The following UBTD1 variants were observed in gnomAD, a reference collection of about 807,000 sequenced individuals.
UBTD1 encodes ubiquitin domain-containing protein 1.
A neutral mutation model predicts 21.7 loss-of-function variants in UBTD1; 19 were observed. That is an observed-to-expected ratio of 0.87 (90% CI 0.61 to 1.28). UBTD1 has a LOEUF of 1.28. UBTD1 is among the 50% of genes most tolerant of loss of function. The probability of loss-of-function intolerance (pLI) is 0.00; values close to 1 mark genes in which losing one functional copy is unlikely to be tolerated. For missense variants in UBTD1, 282 were observed against 315.1 expected (o/e 0.89, Z 0.80); for synonymous variants, 116 against 135.1 (o/e 0.86, Z 0.98).
At chr10:97,501,995 T>G (rs2040378403) in intron 1 of UBTD1, among the ~76,000 whole-genome samples, 1 of 152,226 alleles carries the variant, frequency 6.6e-6, no homozygotes, top group Non-Finnish European at 1.5e-5. Flanking sequence ...GTTTACAGTC[T>G]TTTATCAGCA....
chr10:97,561,222 C>T (rs916741178), intron 1 of UBTD1, among the ~76,000 whole-genome samples: 2 of 152,126 alleles, frequency 1.3e-5, no homozygotes, highest in African/African-American at 4.8e-5. Flanking sequence ...TCAGGCTGGC[C>T]GGAGTTCCCC....
At chr10:97,543,912 C>T (rs1173670262) in intron 1 of UBTD1, among the ~76,000 whole-genome samples, 3 of 152,066 alleles carry the variant, frequency 2.0e-5, no homozygotes, top group Middle Eastern at 3.4e-3. Flanking sequence ...TGCAGGAGCC[C>T]GGTGGGGCCT....
intron 1 of UBTD1, among the ~76,000 whole-genome samples, chr10:97,520,677 C>A (rs893554417): frequency 6.6e-6 from 1 of 152,088 alleles, no homozygotes; most frequent in Non-Finnish European, 1.5e-5. Flanking sequence ...TGTGTCCCCA[C>A]CCCTGGCCAG....
At chr10:97,547,666 G>C (rs1477679462) in intron 1 of UBTD1, among the ~76,000 whole-genome samples, 1 of 152,182 alleles carries the variant, frequency 6.6e-6, no homozygotes, top group East Asian at 1.9e-4. Flanking sequence ...CTGGGTTCAA[G>C]CGATTCTCTT....
chr10:97,541,344 G>A (rs1249758907), intron 1 of UBTD1, among the ~76,000 whole-genome samples: 21 of 152,064 alleles, frequency 1.4e-4, no homozygotes, highest in Admixed American at 1.4e-3. Context: ...AGGCGTGGTG[G>A]TATGTGCCTG....
intron 1 of UBTD1, among the ~76,000 whole-genome samples, chr10:97,564,444 T>C (rs2040708199): frequency 6.6e-6 from 1 of 152,220 alleles, no homozygotes; most frequent in South Asian, 2.1e-4. Flanking sequence ...AGAGATTAGC[T>C]AAAAATCTAG....
chr10:97,517,441 A>G (rs1050477210), intron 1 of UBTD1, among the ~76,000 whole-genome samples: 2 of 152,126 alleles, frequency 1.3e-5, no homozygotes, highest in African/African-American at 4.8e-5. Context: ...AGGAGCTGTG[A>G]CAGTGGCCAA....
chr10:97,558,451 A>T (rs1285629180), intron 1 of UBTD1, among the ~76,000 whole-genome samples: 2 of 152,198 alleles, frequency 1.3e-5, no homozygotes, highest in Non-Finnish European at 2.9e-5. Flanking sequence ...GGCCGTTGCT[A>T]CCAGGGCCTT....
chr10:97,558,912 G>T (rs2040678309), intron 1 of UBTD1, among the ~76,000 whole-genome samples: 1 of 152,116 alleles, frequency 6.6e-6, no homozygotes, highest in Admixed American at 6.6e-5. Context: ...AAATGCCAGG[G>T]TGAAAGGGAT....
At chr10:97,559,902 G>A (rs991776184) in intron 1 of UBTD1, among the ~76,000 whole-genome samples, 6 of 151,818 alleles carry the variant, frequency 4.0e-5, no homozygotes, top group Non-Finnish European at 7.4e-5. Context: ...TTTTAATGTA[G>A]ATAAAAATCC....
At chr10:97,553,410 C>T (rs1300172847) in intron 1 of UBTD1, among the ~76,000 whole-genome samples, 3 of 152,208 alleles carry the variant, frequency 2.0e-5, no homozygotes, top group African/African-American at 4.8e-5. Flanking sequence ...GGATTACAGG[C>T]GTGAGCCACC....
chr10:97,568,969 A>T (rs547024696), intron 2 of UBTD1, among the ~76,000 whole-genome samples: 2 of 152,190 alleles, frequency 1.3e-5, no homozygotes, highest in East Asian at 3.9e-4. Flanking sequence ...GATTACAGGC[A>T]TGCGCCATCA....
At position 97,509,471 on chromosome 10, in the gene UBTD1, A is replaced by G. The variant is rs139785687; in HGVS notation, c.70+10198A>G. Among the ~76,000 whole-genome samples the G allele has an allele frequency of 1.7e-3, 255 of 152,326 alleles. 2 individuals are homozygous for G. The highest frequency in any genetic ancestry group is 5.9e-3 in the African/African-American group (244 of 41,578). On this transcript the variant is annotated intron_variant, in intron 1 of 2. Coordinates refer to ENST00000370664, the MANE Select transcript of UBTD1 (RefSeq NM_024954.5). ...CACAGCGGATGCTTAGATGGGGAAC[A>G]ACGCAAAGCTCATTGTTCCACTGAT...
intron 1 of UBTD1, among the ~76,000 whole-genome samples, chr10:97,565,921 C>A (rs537357109): frequency 2.0e-5 from 3 of 152,138 alleles, no homozygotes; most frequent in Admixed American, 2.0e-4. Context: ...GCCATATTGC[C>A]CAGGCTGATC....
chr10:97,499,247 C>T lies in UBTD1; in HGVS notation c.44C>T (p.Ala15Val). The T allele has an allele frequency of 6.5e-7, 1 of 1,548,496 alleles. No homozygotes were observed. The highest frequency in any genetic ancestry group is 8.7e-7 in the Non-Finnish European group (1 of 1,145,776). ...AGACAGCGCCGGGAGAGGCCGGCAG[C>T]CCCGGGACACCCCCGCAAGCGAGCA... The part of the protein sequence containing the change: ...VGRQRRERPA[A>V]PGHPRKRAGR... Residue 15 changes from alanine (A) to valine (V), a missense_variant, in exon 1 of 3, where the codon GCC becomes GTC. Coordinates refer to ENST00000370664, the MANE Select transcript of UBTD1 (RefSeq NM_024954.5).
At chr10:97,542,154 G>T (rs2040590068) in intron 1 of UBTD1, among the ~76,000 whole-genome samples, 1 of 152,194 alleles carries the variant, frequency 6.6e-6, no homozygotes, top group Non-Finnish European at 1.5e-5. Context: ...CAGGGCGGGG[G>T]TCAGGCTGAG....
In UBTD1 at chr10:97,531,927, A is replaced by G. The variant is rs74335329; in HGVS notation, c.70+32654A>G. On this transcript the variant is annotated intron_variant, in intron 1 of 2. Coordinates refer to ENST00000370664, the MANE Select transcript of UBTD1 (RefSeq NM_024954.5). ...GTAGTCTCCAAATGGGTCCCAGAATAGAAAAACTGGCCTGTGGTGTGATGA... is the reference window on the plus strand; with the variant it reads ...GTAGTCTCCAAATGGGTCCCAGAATGGAAAAACTGGCCTGTGGTGTGATGA... Among the ~76,000 whole-genome samples, 496 of 152,318 alleles carry G rather than the reference A, an allele frequency of 3.3e-3. 1 individual carries two copies. Among genetic ancestry groups the G allele is most frequent in the Non-Finnish European group, 5.6e-3 (383 of 68,020 alleles).
At chr10:97,526,308 CACA>C (rs2040488297) in intron 1 of UBTD1, among the ~76,000 whole-genome samples, 4 of 152,260 alleles carry the variant, frequency 2.6e-5, no homozygotes, top group South Asian at 4.1e-4. Flanking sequence ...CTAGAAATTC[CACA>C]ACAAGGACTT....
At chr10:97,549,730 A>C (rs961513591) in intron 1 of UBTD1, among the ~76,000 whole-genome samples, 1 of 152,120 alleles carries the variant, frequency 6.6e-6, no homozygotes. Context: ...CTGGGGCCCG[A>C]GAGGAGGAAA....
Sources: gnomAD v4.1 joint callset for allele counts (sites outside exome capture counted in the v4.1 genomes callset) on GRCh38, gnomAD v4.1.1 for gene constraint, MANE v1.5 for transcripts, NCBI Gene and HGNC (gene_info 2026-07-23, HGNC 2026-07-21) for gene names.